NXNL2: variants seen among roughly 807,000 people sequenced by gnomAD.
NXNL2 encodes the protein nucleoredoxin like 2.
In NXNL2, 7 loss-of-function variants were observed where a neutral mutation model predicts 11.1. The observed-to-expected ratio is 0.63, with a 90% confidence interval of 0.36 to 1.18. The LOEUF is 1.18. Ranked by LOEUF, NXNL2 falls within the 50% of genes most tolerant of loss-of-function variation. NXNL2 has a pLI of 0.02. For missense variants in NXNL2, 233 were observed against 217.7 expected, an observed-to-expected ratio of 1.07 and a Z score of -0.44; for synonymous variants, 109 against 101.8, an observed-to-expected ratio of 1.07 and a Z score of -0.42.
chr9:88,571,330 A>G (rs372857071), intron 2 of NXNL2: 82 of 223,814 alleles, frequency 3.7e-4, no homozygotes, highest in African/African-American at 1.9e-3. Flanking sequence ...TCGACCTTCC[A>G]AGGTGCTGGG....
intron 1 of NXNL2, among the ~76,000 whole-genome samples, chr9:88,570,095 T>C (rs1331398798): frequency 2.0e-5 from 3 of 151,924 alleles, no homozygotes; most frequent in Non-Finnish European, 4.4e-5. Context: ...TGTTTTTATT[T>C]TTTTTTAATT....
intron 1 of NXNL2, among the ~76,000 whole-genome samples, chr9:88,536,244 G>T (rs990732272): frequency 2.0e-5 from 3 of 152,180 alleles, no homozygotes; most frequent in Non-Finnish European, 4.4e-5. Flanking sequence ...CACAGTGCAG[G>T]CCGTGGTTGG....
At chr9:88,579,735 C>G (rs28485498), downstream of NXNL2, among the ~76,000 whole-genome samples, 431 of 152,208 alleles carry the variant, frequency 2.8e-3, 5 homozygotes, top group African/African-American at 9.6e-3. Context: ...AATGAAAACC[C>G]GGGGTGAGAG....
intron 1 of NXNL2, among the ~76,000 whole-genome samples, chr9:88,562,376 G>A (rs1053507756): frequency 2.6e-5 from 4 of 152,102 alleles, no homozygotes; most frequent in African/African-American, 9.7e-5. Flanking sequence ...GGTTACATGG[G>A]TGTGTTCACT....
chr9:88,582,764 G>A (rs187837297), intron 1 of NXNL2, among the ~76,000 whole-genome samples: 2 of 152,132 alleles, frequency 1.3e-5, no homozygotes, highest in Admixed American at 6.5e-5. Context: ...CACCTCCTGG[G>A]TTCAAGCAAT....
chr9:88,544,366 T>C lies in NXNL2; in HGVS notation c.303-13T>C, dbSNP rs1419884472. ...GGGAGTGCTAACTTCGGTACCACTC[T>C]TCTGTCCTGCAGTGAGCTGAGGAAG... is the stretch of plus-strand genomic sequence containing the variant. On this transcript the variant is annotated splice_polypyrimidine_tract_variant and intron_variant, in intron 1 of 1. Coordinates refer to ENST00000375854, the MANE Select transcript of NXNL2 (RefSeq NM_001161625.2). 4 of 1,551,008 alleles carry C rather than the reference T, an allele frequency of 2.6e-6. No individual in the cohort carries two copies. In the Admixed American group the frequency reaches 7.8e-5, roughly 30 times the overall value.
chr9:88,581,573 A>T (rs1211872355), intron 1 of NXNL2, among the ~76,000 whole-genome samples: 1 of 152,066 alleles, frequency 6.6e-6, no homozygotes, highest in Non-Finnish European at 1.5e-5. Flanking sequence ...CAGCCTCCCG[A>T]GTAGCTGCAA....
intron 1 of NXNL2, among the ~76,000 whole-genome samples, chr9:88,557,080 C>CA (rs150400954): frequency 0.011 from 595 of 54,766 alleles, 1 homozygote; most frequent in Non-Finnish European, 0.019. Context: ...GACTCCATCT[C>CA]AAAAAAAAAA....
chr9:88,579,894 G>A (rs530830119), downstream of NXNL2, among the ~76,000 whole-genome samples: 1 of 152,170 alleles, frequency 6.6e-6, no homozygotes, highest in Non-Finnish European at 1.5e-5. Context: ...AATTTTGGAG[G>A]CTGAGGAGGG....
chr9:88,535,376 C>T lies in NXNL2; in HGVS notation c.-59C>T. On this transcript the variant is annotated 5_prime_UTR_variant, in exon 1 of 2. Transcript: ENST00000375854. ...ACCGCGGCGCTCGCCGCCGCCTCCC[C>T]GCAGGTGATCATCCTCCTGCAGGTG... is the stretch of plus-strand genomic sequence containing the variant. The T allele has an allele frequency of 6.8e-7, 1 of 1,460,594 alleles. No homozygotes were observed. The highest frequency in any genetic ancestry group is 9.1e-7 in the Non-Finnish European group (1 of 1,104,736). 90.5% of individuals were successfully genotyped at this position (1,460,594 alleles called of 1,614,324 possible).
chr9:88,547,932 G>A (rs544751431), downstream of NXNL2, among the ~76,000 whole-genome samples: 2 of 151,768 alleles, frequency 1.3e-5, no homozygotes, highest in South Asian at 2.1e-4. Flanking sequence ...CAGCAGAATC[G>A]CTGAACCCAG....
chr9:88,546,190 A>T (rs1342046259), downstream of NXNL2, among the ~76,000 whole-genome samples: 2 of 146,054 alleles, frequency 1.4e-5, no homozygotes, highest in Admixed American at 6.8e-5. Context: ...AACCACAACC[A>T]CACACTTTTA....
chr9:88,546,960 T>C (rs1829854017), downstream of NXNL2, among the ~76,000 whole-genome samples: 2 of 152,210 alleles, frequency 1.3e-5, no homozygotes, highest in African/African-American at 4.8e-5. Context: ...ACCACCTTTT[T>C]ATTTTTTCCG....
At chr9:88,553,635 G>A (rs1829973821) in intron 1 of NXNL2, among the ~76,000 whole-genome samples, 1 of 152,158 alleles carries the variant, frequency 6.6e-6, no homozygotes, top group Non-Finnish European at 1.5e-5. Flanking sequence ...AGGGTAAGAA[G>A]AACATTTTTC....
At chr9:88,551,020 C>T (rs1359276614) in intron 1 of NXNL2, among the ~76,000 whole-genome samples, 1 of 152,096 alleles carries the variant, frequency 6.6e-6, no homozygotes, top group Admixed American at 6.5e-5. Context: ...CCTTTATTTC[C>T]ATGCTTGTCG....
At chr9:88,575,328 A>G (rs1025959679) in exon 3 of NXNL2, 2 of 203,166 alleles carry the variant, frequency 9.8e-6, no homozygotes, top group Admixed American at 6.5e-5. Flanking sequence ...CACTGTTCAC[A>G]ACAGCCAAGA....
chr9:88,564,211 G>GAA (rs1170933893), intron 1 of NXNL2, among the ~76,000 whole-genome samples: 2 of 125,822 alleles, frequency 1.6e-5, no homozygotes, highest in African/African-American at 5.8e-5. Context: ...AACTCCATTT[G>GAA]AAAAAAAAAA....
chr9:88,576,415 G>C (rs1188696924), downstream of NXNL2, among the ~76,000 whole-genome samples: 1 of 152,082 alleles, frequency 6.6e-6, no homozygotes, highest in Admixed American at 6.5e-5. Context: ...CTCCCACGTG[G>C]GCCAGGTTTC....
chr9:88,551,368 T>C (rs938083388), intron 1 of NXNL2, among the ~76,000 whole-genome samples: 5 of 152,316 alleles, frequency 3.3e-5, no homozygotes, highest in Admixed American at 6.5e-5. Flanking sequence ...GCCATCTCTT[T>C]TTATTTTTGT....
Sources: allele counts gnomAD v4.1 joint callset (sites outside exome capture counted in the v4.1 genomes callset), GRCh38; gene constraint gnomAD v4.1.1; transcripts MANE v1.5; gene names NCBI Gene and HGNC (gene_info 2026-07-23, HGNC 2026-07-21).